Variants in MARK1 observed in about 807,000 individuals in gnomAD.
MARK1 encodes the protein serine/threonine-protein kinase MARK1.
Under a neutral mutation model 96.3 loss-of-function variants are expected in MARK1, and 40 were observed. The observed-to-expected ratio is 0.42, with a 90% confidence interval of 0.32 to 0.54. The LOEUF (loss-of-function observed/expected upper bound fraction) is 0.54. Ranked by LOEUF, MARK1 falls within the 20% of genes least tolerant of loss-of-function variation. The probability of loss-of-function intolerance (pLI) is 0.16; values close to 1 mark genes in which losing one functional copy is unlikely to be tolerated. For synonymous variants in MARK1, 317 were observed against 341.2 expected (o/e 0.93, Z 0.78); for missense variants, 719 against 984.6 (o/e 0.73, Z 3.61).
chr1:220,533,414 G>T (rs938222438), intron 1 of MARK1, among the ~76,000 whole-genome samples: 1 of 151,926 alleles, frequency 6.6e-6, no homozygotes, highest in Admixed American at 6.6e-5. Context: ...TTAGACACAT[G>T]ATTTTAAAGT....
At chr1:220,620,046 G>A (rs1457060678) in intron 9 of MARK1, among the ~76,000 whole-genome samples, 1 of 152,136 alleles carries the variant, frequency 6.6e-6, no homozygotes, top group Non-Finnish European at 1.5e-5. Flanking sequence ...TTTCAGTAGA[G>A]GATACAGCAT....
chr1:220,625,323 C>T (rs1046865807), intron 9 of MARK1, among the ~76,000 whole-genome samples: 4 of 152,174 alleles, frequency 2.6e-5, no homozygotes, highest in African/African-American at 9.7e-5. Context: ...TTTATTCATT[C>T]AATTTACAAA....
At position 220,654,847 on chromosome 1, in the gene MARK1, T is replaced by C. The variant is rs537967501; in HGVS notation, c.1988+1495T>C. ...TTAACTGCAACAAAAATTTAGACTC[T>C]AGGGGAAACAGAGTACTTTGGAAAG... is the stretch of plus-strand genomic sequence containing the variant. On this transcript the variant is annotated intron_variant, in intron 16 of 17. Coordinates refer to ENST00000366917, the MANE Select transcript of MARK1 (RefSeq NM_018650.5). The surrounding 1 kb of genome is among the most constrained non-coding windows in gnomAD (Gnocchi z 4.0). Among the ~76,000 whole-genome samples, 1 of 152,336 alleles carries C rather than the reference T, an allele frequency of 6.6e-6. No individual in the cohort carries two copies. The highest frequency in any genetic ancestry group is 2.1e-4 in the South Asian group (1 of 4,826).
At chr1:220,638,392 A>G (rs992064232) in intron 13 of MARK1, among the ~76,000 whole-genome samples, 1 of 152,160 alleles carries the variant, frequency 6.6e-6, no homozygotes, top group Non-Finnish European at 1.5e-5. Flanking sequence ...TGTCTCCTGG[A>G]CAGAATCTTT....
rs145170499 is a variant in MARK1 at position 220,635,851 on chromosome 1, C to T, written c.1295C>T (p.Pro432Leu). ...FSDHAGPSIP[P>L]AVSYTKRPQA... Reference sequence around the variant, plus strand: ...ATTATAGCTGGTCCATCCATTCCTCCTGCTGTATCATATACCAAAAGACCT... The same window carrying T: ...ATTATAGCTGGTCCATCCATTCCTCTTGCTGTATCATATACCAAAAGACCT... Residue 432 changes from proline to leucine, a missense_variant, in exon 13 of 18, where the codon CCT becomes CTT. Around this residue, in one of 4 missense-constraint regions of MARK1, gnomAD observed 501 missense variants for 588.3 expected, o/e 0.85. Coordinates refer to ENST00000366917, the MANE Select transcript of MARK1 (RefSeq NM_018650.5). 10 of 1,600,824 alleles carry T rather than the reference C, an allele frequency of 6.2e-6. No homozygotes were observed. The Admixed American group carries it at 7.1e-5, about 11-fold the overall frequency.
intron 6 of MARK1, among the ~76,000 whole-genome samples, chr1:220,608,479 AT>A (rs1666231543): frequency 6.6e-6 from 1 of 151,778 alleles, no homozygotes; most frequent in Non-Finnish European, 1.5e-5. Flanking sequence ...TGGTCTATCA[AT>A]TTTGTTGATC....
intron 10 of MARK1, 76 bp downstream of exon 10, chr1:220,631,210 T>TTG: frequency 1.1e-6 from 1 of 883,460 alleles, no homozygotes; most frequent in Non-Finnish European, 1.8e-6. Flanking sequence ...AAAATAGTGT[T>TTG]TAAGAGTATA....
At chr1:220,650,793 A>T (rs1043393849) in intron 14 of MARK1, 73 bp downstream of exon 14, 5 of 1,034,890 alleles carry the variant, frequency 4.8e-6, no homozygotes, top group Non-Finnish European at 7.5e-6. Flanking sequence ...AAATGCCTGC[A>T]GCCGAATGGG....
intron 3 of MARK1, among the ~76,000 whole-genome samples, chr1:220,581,445 T>G (rs960564008): frequency 7.2e-5 from 11 of 152,204 alleles, no homozygotes; most frequent in African/African-American, 2.7e-4. Flanking sequence ...AATTGACCTC[T>G]GAAAATTAGA....
intron 6 of MARK1, among the ~76,000 whole-genome samples, chr1:220,606,666 A>G (rs1666099080): frequency 1.3e-5 from 2 of 152,162 alleles, no homozygotes; most frequent in Admixed American, 6.6e-5. Flanking sequence ...TAGGTCTAGC[A>G]TTTAAGTCTT....
intron 1 of MARK1, among the ~76,000 whole-genome samples, chr1:220,564,657 A>G (rs1210443817): frequency 6.6e-6 from 1 of 152,090 alleles, no homozygotes; most frequent in Non-Finnish European, 1.5e-5. Flanking sequence ...TCCTGTGTGT[A>G]CCTTTCTTAT....
intron 1 of MARK1, among the ~76,000 whole-genome samples, chr1:220,561,265 G>A (rs1662651196): frequency 1.3e-5 from 2 of 152,180 alleles, no homozygotes; most frequent in Admixed American, 1.3e-4. Context: ...TCTGTATCAA[G>A]CTTGTCCAAC....
chr1:220,619,120 A>G (rs1666919081), intron 9 of MARK1, among the ~76,000 whole-genome samples: 1 of 152,242 alleles, frequency 6.6e-6, no homozygotes, highest in African/African-American at 2.4e-5. Context: ...ATAAAAGAAA[A>G]TAGTGAAAAT....
At position 220,574,884 on chromosome 1, in the gene MARK1, A is replaced by G. The variant is rs947182950; in HGVS notation, c.52-4470A>G. Among the ~76,000 whole-genome samples the G allele has an allele frequency of 2.6e-5, 4 of 152,174 alleles. No homozygotes were observed. In the South Asian group the frequency reaches 6.2e-4, roughly 24 times the overall value. On this transcript the variant is annotated intron_variant, in intron 1 of 17. Transcript: ENST00000366917. ...GGTGGTTGTGGTATGCAAAAATAGC[A>G]TATTCCAAAGTCCTGAGAGCAGAGC...
intron 11 of MARK1, among the ~76,000 whole-genome samples, chr1:220,634,447 C>T (rs1175724964): frequency 6.6e-6 from 1 of 152,140 alleles, no homozygotes; most frequent in East Asian, 1.9e-4. Flanking sequence ...AATTAATTTT[C>T]TGTGCCTCAG....
chr1:220,569,578 G>C (rs1225015195), intron 1 of MARK1, among the ~76,000 whole-genome samples: 5 of 151,840 alleles, frequency 3.3e-5, no homozygotes, highest in Admixed American at 3.3e-4. Flanking sequence ...ATTTATTTTG[G>C]AGTAAAGAGT....
chr1:220,574,843 T>A (rs1663723413), intron 1 of MARK1, among the ~76,000 whole-genome samples: 1 of 152,190 alleles, frequency 6.6e-6, no homozygotes, highest in Non-Finnish European at 1.5e-5. Flanking sequence ...TTGGTGCTAA[T>A]ATCACTTGGC....
At chr1:220,559,113 T>C (rs888209533) in intron 1 of MARK1, among the ~76,000 whole-genome samples, 1 of 152,050 alleles carries the variant, frequency 6.6e-6, no homozygotes, top group Non-Finnish European at 1.5e-5. Context: ...ATTACAGAAA[T>C]CAGAAACCTA....
intron 3 of MARK1, among the ~76,000 whole-genome samples, chr1:220,581,711 G>A (rs947330643): frequency 6.6e-6 from 1 of 152,118 alleles, no homozygotes; most frequent in African/African-American, 2.4e-5. Context: ...ATAACTCACA[G>A]TACAAAATAA....
Sources: gnomAD v4.1 joint callset for allele counts (sites outside exome capture counted in the v4.1 genomes callset) on GRCh38, gnomAD v4.1.1 for gene constraint, gnomAD v4.1.1 regional missense constraint, Gnocchi (gnomAD v3.1) non-coding constraint, MANE v1.5 for transcripts, NCBI Gene and HGNC (gene_info 2026-07-23, HGNC 2026-07-21) for gene names.